The following TSEN2 variants were observed in gnomAD, a reference collection of about 807,000 sequenced individuals.
The protein encoded by TSEN2 is tRNA splicing endonuclease subunit 2, also known as tRNA-splicing endonuclease subunit Sen2.
In TSEN2, 54 loss-of-function variants were observed where a neutral mutation model predicts 59.2. The observed-to-expected ratio is 0.91, with a 90% CI of 0.73 to 1.14. The LOEUF is 1.14. TSEN2 is among the 50% of genes most tolerant of loss of function. TSEN2 has a pLI of 0.00. For synonymous variants in TSEN2, 195 were observed against 198.2 expected (o/e 0.98, Z 0.14); for missense variants, 636 against 576.2 (o/e 1.10, Z -1.06).
intron 3 of TSEN2, among the ~76,000 whole-genome samples, chr3:12,495,573 G>A (rs2053665112): frequency 6.6e-6 from 1 of 152,188 alleles, no homozygotes; most frequent in Admixed American, 6.5e-5. Flanking sequence ...AACCTAATCG[G>A]ATAGACTTTG....
intron 8 of TSEN2, among the ~76,000 whole-genome samples, chr3:12,523,488 CAAG>C (rs1331288720): frequency 2.1e-5 from 3 of 141,880 alleles, no homozygotes; most frequent in Non-Finnish European, 3.0e-5. Context: ...TGTCACAGAA[CAAG>C]AAGATGTGTC....
intron 4 of TSEN2, among the ~76,000 whole-genome samples, chr3:12,498,782 T>C (rs1168124344): frequency 2.0e-5 from 3 of 152,196 alleles, no homozygotes; most frequent in African/African-American, 7.2e-5. Context: ...GCAAGCTACA[T>C]ACGTCCCCCA....
At chr3:12,496,449 C>G in intron 3 of TSEN2, 69 bp from the exon 4 acceptor site, 1 of 1,512,754 alleles carries the variant, frequency 6.6e-7, no homozygotes, top group Non-Finnish European at 9.2e-7. Context: ...CTCAGTCTTT[C>G]CTAGATTTTT....
At chr3:12,528,860 ACTT>A (rs775347679) in intron 8 of TSEN2, 25 bp from the exon 9 acceptor site, 19 of 1,613,132 alleles carry the variant, frequency 1.2e-5, no homozygotes, top group African/African-American at 1.1e-4. Context: ...GAGTGGTTAT[ACTT>A]CTTTTTTTTC....
At chr3:12,495,760 C>T (rs769366865) in intron 3 of TSEN2, among the ~76,000 whole-genome samples, 2 of 152,142 alleles carry the variant, frequency 1.3e-5, no homozygotes, top group Non-Finnish European at 2.9e-5. Flanking sequence ...GCAGACGAGG[C>T]TGAGTTTGGG....
chr3:12,480,242 C>G (rs535984900), upstream of TSEN2, among the ~76,000 whole-genome samples: 1 of 152,218 alleles, frequency 6.6e-6, no homozygotes, highest in Non-Finnish European at 1.5e-5. Flanking sequence ...GCTCCAACCT[C>G]CTGCCCCGGC....
At chr3:12,504,013 C>T (rs186712325) in intron 5 of TSEN2, among the ~76,000 whole-genome samples, 2 of 152,264 alleles carry the variant, frequency 1.3e-5, no homozygotes, top group Non-Finnish European at 2.9e-5. Flanking sequence ...GTGGTATTCT[C>T]TCCTTTATTT....
At position 12,489,852 on chromosome 3, in the gene TSEN2, A is replaced by G. The variant is rs1454912673; in HGVS notation, c.52A>G (p.Thr18Ala). The part of the protein sequence containing the change: ...APKRKRRVYE[T>A]YESPLPIPFG... ...AAAGAGGAAAAGAAGAGTGTATGAG[A>G]CTTACGAGTCTCCATTGCCAATCCC... is the stretch of plus-strand genomic sequence containing the variant. Residue 18 changes from threonine (T) to alanine (A), a missense_variant, in exon 2 of 12, where the codon ACT becomes GCT. Physicochemically the swap from Thr to Ala is moderately conservative, Grantham distance 58 (BLOSUM62 0). Coordinates refer to ENST00000284995, the MANE Select transcript of TSEN2 (RefSeq NM_025265.4). The G allele has an allele frequency of 6.2e-7, 1 of 1,613,900 alleles. No individual in the cohort carries two copies. The highest frequency in any genetic ancestry group is 8.5e-7 in the Non-Finnish European group (1 of 1,180,028).
chr3:12,526,563 A>G (rs868254262), intron 8 of TSEN2, among the ~76,000 whole-genome samples: 32 of 152,344 alleles, frequency 2.1e-4, no homozygotes, highest in African/African-American at 7.5e-4. Flanking sequence ...CACAACAACG[A>G]AATTGCCTAA....
rs764812943 is a variant in TSEN2 at position 12,496,532 on chromosome 3, A to G, written c.286A>G (p.Met96Val). ...CTTTGTTCCAGATATGAAGACAAAC[A>G]TGCCTATCATCACATCAAAGAGGTA... ...VAKWKDMKTN[M>V]PIITSKRYQH... The change falls in exon 4 of 12, where the codon ATG becomes GTG. Residue 96 changes from methionine (M) to valine (V), a missense_variant. Transcript: ENST00000284995. 3 of 1,614,184 alleles carry G rather than the reference A, an allele frequency of 1.9e-6. No individual in the cohort carries two copies. The East Asian group carries it at 6.7e-5, about 36-fold the overall frequency.
At chr3:12,529,947 A>G in intron 10 of TSEN2, 74 bp downstream of exon 10, 8 of 1,567,978 alleles carry the variant, frequency 5.1e-6, no homozygotes, top group Non-Finnish European at 6.0e-6. Context: ...TAAATGTAGT[A>G]GAATCAAAAA....
chr3:12,523,385 C>T (rs1049437340), intron 8 of TSEN2, among the ~76,000 whole-genome samples: 1 of 152,002 alleles, frequency 6.6e-6, no homozygotes, highest in Non-Finnish European at 1.5e-5. Flanking sequence ...ATAGAATTTC[C>T]AGACCCAGAA....
At chr3:12,531,997 G>A (rs950436087) in intron 11 of TSEN2, among the ~76,000 whole-genome samples, 3 of 152,178 alleles carry the variant, frequency 2.0e-5, no homozygotes, top group Non-Finnish European at 2.9e-5. Context: ...CTGTTGACTT[G>A]TTCCTGCTTC....
intron 8 of TSEN2, among the ~76,000 whole-genome samples, chr3:12,519,614 C>T (rs541985621): frequency 3.3e-5 from 5 of 152,144 alleles, no homozygotes; most frequent in African/African-American, 9.6e-5. Context: ...GGCGTGGTAG[C>T]GGGTGTCTGT....
chr3:12,535,046 T>G (rs922832056), downstream of TSEN2, among the ~76,000 whole-genome samples: 1 of 152,178 alleles, frequency 6.6e-6, no homozygotes, highest in Admixed American at 6.5e-5. Flanking sequence ...AAAAAATTTG[T>G]CTTAATCATT....
At chr3:12,526,892 T>C (rs2057127816) in intron 8 of TSEN2, among the ~76,000 whole-genome samples, 1 of 152,206 alleles carries the variant, frequency 6.6e-6, no homozygotes, top group Non-Finnish European at 1.5e-5. Context: ...AGGTGCATAT[T>C]GGATTAAAGA....
chr3:12,480,829 C>T (rs1249613829), upstream of TSEN2, among the ~76,000 whole-genome samples: 1 of 152,062 alleles, frequency 6.6e-6, no homozygotes, highest in African/African-American at 2.4e-5. Context: ...TCACCGCGCC[C>T]GGCCTGTCAT....
At chr3:12,484,056 G>A (rs1213388252), upstream of TSEN2, among the ~76,000 whole-genome samples, 1 of 152,226 alleles carries the variant, frequency 6.6e-6, no homozygotes, top group Non-Finnish European at 1.5e-5. Flanking sequence ...GCATGCTGCA[G>A]CGTACACAGG....
In TSEN2 at chr3:12,492,151, G is replaced by A; in HGVS notation, c.205G>A (p.Gly69Ser). Residue 69 changes from glycine (G) to serine (S), a missense_variant, in exon 3 of 12, where the codon GGT becomes AGT. Gly to Ser is a moderately conservative substitution (Grantham distance 56). Transcript: ENST00000284995. ...TTCCTGGAAGGGTTATTTTGGAAAA[G>A]GTATTCTTTCAAGAAGCCGTCCAAG... is the stretch of plus-strand genomic sequence containing the variant. ...QLYGKGYFGK[G>S]ILSRSRPSFT... is the part of the protein sequence containing the mutation. The A allele has an allele frequency of 6.2e-7, 1 of 1,614,008 alleles. No homozygotes were observed. Among genetic ancestry groups the A allele is most frequent in the Non-Finnish European group, 8.5e-7 (1 of 1,179,924 alleles).
Sources: allele counts gnomAD v4.1 joint callset (sites outside exome capture counted in the v4.1 genomes callset), GRCh38; gene constraint gnomAD v4.1.1; transcripts MANE v1.5; gene names NCBI Gene and HGNC (gene_info 2026-07-23, HGNC 2026-07-21).